The following POPDC1 variants were observed in gnomAD, a reference collection of about 807,000 sequenced individuals.
POPDC1 encodes the protein popeye domain cAMP effector 1.
chr6:105,133,765 T>C, the POPDC1 span, among the ~76,000 whole-genome samples: 1 of 152,176 alleles, frequency 6.6e-6, no homozygotes, highest in African/African-American at 2.4e-5. Context: ...ATTCAGTTCC[T>C]TACCTGTTAA....
chr6:105,106,842 T>G, the POPDC1 span, among the ~76,000 whole-genome samples: 1 of 152,140 alleles, frequency 6.6e-6, no homozygotes, highest in Non-Finnish European at 1.5e-5. Flanking sequence ...AGTGGATGTA[T>G]ATATTTATGA....
chr6:105,134,683 A>T, the POPDC1 span, among the ~76,000 whole-genome samples: 1 of 152,222 alleles, frequency 6.6e-6, no homozygotes, highest in Non-Finnish European at 1.5e-5. Flanking sequence ...GGATGTTAAC[A>T]GACAAATGTG....
the POPDC1 span, among the ~76,000 whole-genome samples, chr6:105,135,258 TAAACACTTTCAGA>T: frequency 1.3e-5 from 2 of 152,084 alleles, no homozygotes; most frequent in Admixed American, 1.3e-4. Context: ...GTCAACCTGA[TAAACACTTTCAGA>T]AATCACTGTT....
chr6:105,115,541 A>G, the POPDC1 span: 1 of 1,051,492 alleles, frequency 9.5e-7, no homozygotes. Context: ...ATGCTAAACA[A>G]AATTTGATTG....
the POPDC1 span, chr6:105,115,948 C>T: frequency 6.1e-5 from 51 of 835,092 alleles, no homozygotes; most frequent in South Asian, 6.3e-4. Flanking sequence ...ATACCTGATA[C>T]ATATTAGGTG....
chr6:105,132,458 C>G, the POPDC1 span, among the ~76,000 whole-genome samples: 1 of 152,200 alleles, frequency 6.6e-6, no homozygotes, highest in Non-Finnish European at 1.5e-5. Context: ...CTATCACCTT[C>G]TCCGTGTCCC....
At chr6:105,133,782 G>T in the POPDC1 span, among the ~76,000 whole-genome samples, 1 of 152,052 alleles carries the variant, frequency 6.6e-6, no homozygotes, top group Non-Finnish European at 1.5e-5. Flanking sequence ...TTAAAAGATG[G>T]TAATAATACC....
the POPDC1 span, chr6:105,101,119 T>C: frequency 6.2e-7 from 1 of 1,613,720 alleles, no homozygotes; most frequent in Non-Finnish European, 8.5e-7. Context: ...TCAATGTATT[T>C]GGAGATGCCG....
the POPDC1 span, among the ~76,000 whole-genome samples, chr6:105,121,654 T>G: frequency 6.6e-6 from 1 of 152,202 alleles, no homozygotes; most frequent in East Asian, 1.9e-4. Context: ...AAAATCACTA[T>G]AAGTACCTAG....
the POPDC1 span, among the ~76,000 whole-genome samples, chr6:105,113,942 C>CCA: frequency 2.1e-4 from 31 of 150,048 alleles, no homozygotes; most frequent in African/African-American, 2.4e-4. Context: ...ATCCCCCCCG[C>CCA]CACACACACA....
chr6:105,101,169 T>C, the POPDC1 span: 2 of 1,613,592 alleles, frequency 1.2e-6, no homozygotes, highest in Non-Finnish European at 1.7e-6. Flanking sequence ...CCTTCTTCTA[T>C]CGGTTTCATC....
the POPDC1 span, among the ~76,000 whole-genome samples, chr6:105,108,558 G>A: frequency 6.6e-6 from 1 of 152,158 alleles, no homozygotes; most frequent in Non-Finnish European, 1.5e-5. Flanking sequence ...CCAGGGATAT[G>A]GTGAATAAGA....
the POPDC1 span, among the ~76,000 whole-genome samples, chr6:105,133,907 AG>A: frequency 6.6e-6 from 1 of 152,194 alleles, no homozygotes; most frequent in African/African-American, 2.4e-5. Context: ...GGGAGGAGTG[AG>A]GGAATTAGTC....
At chr6:105,121,495 T>C in the POPDC1 span, among the ~76,000 whole-genome samples, 1 of 152,100 alleles carries the variant, frequency 6.6e-6, no homozygotes, top group Non-Finnish European at 1.5e-5. Flanking sequence ...TTCAAACTCC[T>C]GACCTCAGGT....
chr6:105,099,150 TGTCCA>T, the POPDC1 span: 3 of 152,372 alleles, frequency 2.0e-5, 1 homozygote, highest in East Asian at 3.9e-4. Flanking sequence ...TGAGCCACTG[TGTCCA>T]GTCGACAGTA....
At chr6:105,101,974 G>A in the POPDC1 span, among the ~76,000 whole-genome samples, 3 of 152,190 alleles carry the variant, frequency 2.0e-5, no homozygotes, top group African/African-American at 7.2e-5. Context: ...AAAAGTAAGA[G>A]TAGAAGTCAT....
At chr6:105,125,490 C>A in the POPDC1 span, 1 of 1,614,134 alleles carries the variant, frequency 6.2e-7, no homozygotes, top group Non-Finnish European at 8.5e-7. Flanking sequence ...GCAAAACTGT[C>A]CAGTTAGTCT....
chr6:105,122,573 C>G, the POPDC1 span, among the ~76,000 whole-genome samples: 1 of 152,168 alleles, frequency 6.6e-6, no homozygotes, highest in Non-Finnish European at 1.5e-5. Flanking sequence ...CCCACCCCAT[C>G]CTCAAATCCC....
chr6:105,111,687 C>T, the POPDC1 span, among the ~76,000 whole-genome samples: 1 of 152,302 alleles, frequency 6.6e-6, no homozygotes, highest in Middle Eastern at 3.4e-3. Context: ...AGTGGGAATA[C>T]AGAATCTATG....
Sources: gnomAD v4.1 joint callset for allele counts (sites outside exome capture counted in the v4.1 genomes callset) on GRCh38, gnomAD v4.1.1 for gene constraint, MANE v1.5 for transcripts, NCBI Gene and HGNC (gene_info 2026-07-23, HGNC 2026-07-21) for gene names.